GLB1L2: variants seen among roughly 807,000 people sequenced by gnomAD.
The protein encoded by GLB1L2 is beta-galactosidase-1-like protein 2.
GLB1L2 carries 68 observed loss-of-function variants against 84.1 expected under a neutral mutation model. That is an observed-to-expected ratio of 0.81 (90% confidence interval 0.67 to 0.99). GLB1L2 has a LOEUF of 0.99. GLB1L2 is among the 50% of genes least tolerant of loss of function. GLB1L2 has a pLI of 0.00. For synonymous variants in GLB1L2, 290 were observed against 318.0 expected, an observed-to-expected ratio of 0.91 and a Z score of 0.94; for missense variants, 762 against 805.6, an observed-to-expected ratio of 0.95 and a Z score of 0.66.
At chr11:134,359,203 C>T (rs776661511) in intron 7 of GLB1L2, 62 bp downstream of exon 7, 3 of 1,201,450 alleles carry the variant, frequency 2.5e-6, no homozygotes, top group Non-Finnish European at 3.5e-6. Flanking sequence ...TGTGCACGCT[C>T]CCGCTGTGGG....
intron 1 of GLB1L2, among the ~76,000 whole-genome samples, chr11:134,340,589 A>G (rs9888274): frequency 0.35 from 52,582 of 152,142 alleles, 9,340 homozygotes; most frequent in Non-Finnish European, 0.38. Flanking sequence ...GGGCACCAAA[A>G]GAAGGCCCGG....
At position 134,338,658 on chromosome 11, in the gene GLB1L2, ACCTATGT is replaced by A. The variant is rs1344714953; in HGVS notation, c.87-4092_87-4086del. 6.6e-6 allele frequency among the ~76,000 whole-genome samples: 1 copy of A among 152,184 alleles called. No individual in the cohort carries two copies. The highest frequency in any genetic ancestry group is 1.5e-5 in the Non-Finnish European group (1 of 68,038). On this transcript the variant is annotated intron_variant, in intron 1 of 18. Coordinates refer to ENST00000535456, the MANE Select transcript of GLB1L2 (RefSeq NM_001370461.1). This position sits in a 1 kb window ranked among gnomAD's most constrained non-coding sequence, Gnocchi z 6.2. The stretch of plus-strand genomic sequence containing the variant: ...ACCACGGGGCACAGCAGAACTTGGT[ACCTATGT>A]CCTCTGCTTCAGGTTTCCATTGCAA...
chr11:134,375,478 A>AT lies in GLB1L2; in HGVS notation c.*424dup, dbSNP rs1296508406. ...GCTTGGCCACATCCCTCATGGCCCCATTTTATCCCCGAAATCCTGGGTGTG... is the reference window on the plus strand; with the variant it reads ...GCTTGGCCACATCCCTCATGGCCCCATTTTTATCCCCGAAATCCTGGGTGTG... On this transcript the variant is annotated 3_prime_UTR_variant, in exon 19 of 19. Coordinates refer to ENST00000535456, the MANE Select transcript of GLB1L2 (RefSeq NM_001370461.1). The AT allele has an allele frequency of 6.0e-6, 1 of 166,536 alleles. No individual in the cohort carries two copies. The highest frequency in any genetic ancestry group is 1.3e-5 in the Non-Finnish European group (1 of 78,162). 10.3% of individuals were successfully genotyped at this position (166,536 alleles called of 1,614,324 possible). A position where few individuals can be genotyped will look rare whatever the true frequency, so the allele number is the denominator to read the frequency against.
At position 134,342,765 on chromosome 11, in the gene GLB1L2, G is replaced by A. The variant is rs1025635448; in HGVS notation, c.98G>A (p.Ser33Asn). 2.5e-6 allele frequency: 4 copies of A among 1,613,646 alleles called. No homozygotes were observed. The African/African-American group carries it at 5.3e-5, about 22-fold the overall frequency. Residue 33 changes from serine (S) to asparagine (N), a missense_variant, in exon 2 of 19, where the codon AGC becomes AAC. By Grantham distance (46) the Ser-to-Asn change is conservative. Coordinates refer to ENST00000535456, the MANE Select transcript of GLB1L2 (RefSeq NM_001370461.1). ...CTTTGTCTTTCCAGGCTGGACTGGA[G>A]CACCCTGGTCCCTCTGCGGCTCCGC... Reference protein sequence around the residue: ...GFLVLRRLDWSTLVPLRLRHR... With the variant: ...GFLVLRRLDWNTLVPLRLRHR...
chr11:134,342,681 T>TGCGAAGGG, intron 1 of GLB1L2, 73 bp from the exon 2 acceptor site: 1 of 1,445,784 alleles, frequency 6.9e-7, no homozygotes, highest in East Asian at 2.3e-5. Flanking sequence ...GCCGAGGACC[T>TGCGAAGGG]GCGAAGGGGC....
At chr11:134,345,162 T>C (rs1565435079) in intron 4 of GLB1L2, 33 bp downstream of exon 4, 9 of 1,560,344 alleles carry the variant, frequency 5.8e-6, no homozygotes, top group South Asian at 4.8e-5. Context: ...CTGTGTGCTG[T>C]GGCAAAAAGC....
chr11:134,371,776 G>T lies in GLB1L2; in HGVS notation c.1453G>T (p.Val485Leu). ...IQGYTVLRIL[V>L]ENRGRVNYGE... Reference sequence around the variant, plus strand: ...GGGTTACACCGTGCTGAGGATCTTGGTGGAGAATCGTGGGCGAGTCAACTA... The same window carrying T: ...GGGTTACACCGTGCTGAGGATCTTGTTGGAGAATCGTGGGCGAGTCAACTA... The change falls in exon 15 of 19, where the codon GTG (valine) becomes TTG (leucine). Residue 485 changes from valine to leucine, a missense_variant. Coordinates refer to ENST00000535456, the MANE Select transcript of GLB1L2 (RefSeq NM_001370461.1). The T allele has an allele frequency of 1.2e-6, 2 of 1,614,214 alleles. No individual in the cohort carries two copies. Among genetic ancestry groups the T allele is most frequent in the South Asian group, 1.1e-5 (1 of 91,078 alleles).
At chr11:134,337,643 G>C (rs1286512098) in intron 1 of GLB1L2, among the ~76,000 whole-genome samples, 2 of 152,200 alleles carry the variant, frequency 1.3e-5, no homozygotes, top group African/African-American at 4.8e-5. Flanking sequence ...CCTCATGGGA[G>C]CCTAGAACCG....
Position 134,334,832 on chromosome 11 carries a change from G to A in GLB1L2, c.86+2685G>A, listed in dbSNP as rs1354626901. ...AGGTCTGCGATGCACGTATCAGTGC[G>A]AACCGTGCCTTTGAGCCAGTTGCCT... On this transcript the variant is annotated intron_variant, in intron 1 of 18. Coordinates refer to ENST00000535456, the MANE Select transcript of GLB1L2 (RefSeq NM_001370461.1). This position sits in a 1 kb window ranked among gnomAD's most constrained non-coding sequence, Gnocchi z 4.1. 3.9e-5 allele frequency among the ~76,000 whole-genome samples: 6 copies of A among 152,128 alleles called. No homozygotes were observed. The highest frequency in any genetic ancestry group is 2.1e-4 in the South Asian group (1 of 4,824).
At chr11:134,358,763 T>C (rs1471283588) in intron 6 of GLB1L2, among the ~76,000 whole-genome samples, 1 of 152,176 alleles carries the variant, frequency 6.6e-6, no homozygotes, top group African/African-American at 2.4e-5. Flanking sequence ...GGCCTCAGTG[T>C]AGACTCGCCT....
intron 4 of GLB1L2, among the ~76,000 whole-genome samples, chr11:134,346,050 A>G (rs185407787): frequency 5.3e-4 from 81 of 152,204 alleles, no homozygotes; most frequent in Non-Finnish European, 8.5e-4. Flanking sequence ...CTCCCAGTGT[A>G]CCAGGTGGTT....
rs766590985 is a variant in GLB1L2, at chr11:134,371,739, G to A, written c.1429-13G>A. The stretch of plus-strand genomic sequence containing the variant: ...CCTTCTGACAGTCATCGTTAGCCCC[G>A]TGTTCCCGGCAGGGTTACACCGTGC... On this transcript the variant is annotated splice_polypyrimidine_tract_variant and intron_variant, in intron 14 of 18. Coordinates refer to ENST00000535456, the MANE Select transcript of GLB1L2 (RefSeq NM_001370461.1). 14 of 1,613,672 alleles carry A rather than the reference G, an allele frequency of 8.7e-6. No homozygotes were observed. The highest frequency in any genetic ancestry group is 5.5e-5 in the South Asian group (5 of 91,042).
rs113707753 is a variant in GLB1L2, at chr11:134,374,149, G to A, written c.1600G>A (p.Gly534Ser). 1.6e-5 allele frequency: 26 copies of A among 1,611,332 alleles called. No individual in the cohort carries two copies. Among genetic ancestry groups the A allele is most frequent in the African/African-American group, 4.0e-5 (3 of 74,848 alleles). Reference protein sequence around the residue: ...DMKKSFFQRFGLDKWSSLPET... With the variant: ...DMKKSFFQRFSLDKWSSLPET... ...TTCTCTGTGTTCTGTCCTTAGGTTC[G>A]GCCTGGACAAATGGAGTTCCCTCCC... Residue 534 changes from glycine (G) to serine (S), a missense_variant, in exon 17 of 19, where the codon GGC becomes AGC. Physicochemically the swap from Gly to Ser is moderately conservative, Grantham distance 56. This residue lies in a region of GLB1L2 where 603 missense variants were observed against 611.7 expected (regional missense o/e 0.99). Coordinates refer to ENST00000535456, the MANE Select transcript of GLB1L2 (RefSeq NM_001370461.1).
In GLB1L2 at chr11:134,371,823, G is replaced by A; in HGVS notation, c.1500G>A (p.Gln500=). The A allele has an allele frequency of 6.2e-7, 1 of 1,614,082 alleles. No individual in the cohort carries two copies. Among genetic ancestry groups the A allele is most frequent in the African/African-American group, 1.3e-5 (1 of 75,048 alleles). ...RVNYGENIDD[Q]RKGLIGNLYL... ...ACTATGGGGAGAATATTGATGACCA[G>A]CGCAAAGGTGGGTCCCAGAATGTGT... Residue 500 remains glutamine (Q), a synonymous_variant, in exon 15 of 19, where the codon CAG becomes CAA. Transcript: ENST00000535456.
chr11:134,333,849 G>A (rs1353504571), intron 1 of GLB1L2, among the ~76,000 whole-genome samples: 1 of 152,188 alleles, frequency 6.6e-6, no homozygotes, highest in Non-Finnish European at 1.5e-5. Flanking sequence ...TGGCCTGCCT[G>A]GGAAGGATGT....
At chr11:134,345,187 C>A in intron 4 of GLB1L2, 58 bp downstream of exon 4, 1 of 1,494,326 alleles carries the variant, frequency 6.7e-7, no homozygotes, top group South Asian at 1.3e-5. Flanking sequence ...AGACATAGGT[C>A]TGGTTTGTTT....
Position 134,345,061 on chromosome 11 carries a change from C to A in GLB1L2, c.381C>A (p.Ile127=). 6.2e-7 allele frequency: 1 copy of A among 1,613,326 alleles called. No individual in the cohort carries two copies. Among genetic ancestry groups the A allele is most frequent in the Non-Finnish European group, 8.5e-7 (1 of 1,179,552 alleles). ...LEAFVLMAAE[I]GLWVILRPGP... ...CCTTCGTCCTGATGGCCGCAGAGAT[C>A]GGGCTGTGGGTGATTCTGCGTCCAG... is the stretch of plus-strand genomic sequence containing the variant. Residue 127 remains isoleucine, a synonymous_variant, in exon 4 of 19, where the codon ATC becomes ATA. Coordinates refer to ENST00000535456, the MANE Select transcript of GLB1L2 (RefSeq NM_001370461.1).
intron 13 of GLB1L2, 104 bp downstream of exon 13, chr11:134,371,252 T>C (rs1458071677): frequency 2.1e-6 from 3 of 1,434,186 alleles, no homozygotes; most frequent in Non-Finnish European, 2.9e-6. Context: ...TGTGTGACAA[T>C]GGCCCTTCTG....
chr11:134,333,092 A>G (rs1184673708), intron 1 of GLB1L2, among the ~76,000 whole-genome samples: 2 of 152,148 alleles, frequency 1.3e-5, no homozygotes, highest in Non-Finnish European at 2.9e-5. Flanking sequence ...GAGACAGGGA[A>G]GTTTTTGATG....
Sources: allele counts gnomAD v4.1 joint callset (sites outside exome capture counted in the v4.1 genomes callset), GRCh38; gene constraint gnomAD v4.1.1; regional missense constraint gnomAD v4.1.1; non-coding constraint Gnocchi (gnomAD v3.1); transcripts MANE v1.5; gene names NCBI Gene and HGNC (gene_info 2026-07-23, HGNC 2026-07-21).